PCDHGA5: variants seen among roughly 807,000 people sequenced by gnomAD.
The protein encoded by PCDHGA5 is protocadherin gamma-A5.
In PCDHGA5, 36 loss-of-function variants were observed where a neutral mutation model predicts 56.7. That is an observed-to-expected ratio of 0.64 (90% CI 0.49 to 0.84). PCDHGA5 has a LOEUF of 0.84. Ranked by LOEUF, PCDHGA5 falls within the 40% of genes least tolerant of loss-of-function variation. The pLI, the probability that PCDHGA5 is intolerant of heterozygous loss-of-function variation, is 0.00. For synonymous variants in PCDHGA5, 563 were observed against 520.2 expected (o/e 1.08, Z -1.12); for missense variants, 1,305 against 1,201.5 (o/e 1.09, Z -1.27).
At chr5:141,382,317 GTAAA>G (rs1482634443) in intron 1 of PCDHGA5, among the ~76,000 whole-genome samples, 1 of 152,160 alleles carries the variant, frequency 6.6e-6, no homozygotes, top group Non-Finnish European at 1.5e-5. Flanking sequence ...ATACACTGAT[GTAAA>G]TATTTTCTAA....
rs1449032006 is a variant in PCDHGA5 at position 141,438,617 on chromosome 5, TATATATATATATATATATAC to T, written c.2422-56188_2422-56169del. 2.9e-3 allele frequency among the ~76,000 whole-genome samples: 107 copies of T among 37,156 alleles called. 1 individual carries two copies. Among genetic ancestry groups the T allele is most frequent in the South Asian group, 0.015 (15 of 996 alleles). 24.4% of individuals were successfully genotyped at this position (37,156 alleles called of 152,430 possible). On this transcript the variant is annotated intron_variant, in intron 1 of 3. Transcript: ENST00000518069. Reference sequence around the variant, plus strand: ...ATATATATATATATATATATATATATATATATATATATATATATACACACACACACACACATATATGTATA... The same window carrying T: ...ATATATATATATATATATATATATATACACACACACACACATATATGTATA...
intron 1 of PCDHGA5, chr5:141,389,998 T>G: frequency 6.2e-7 from 1 of 1,614,046 alleles, no homozygotes; most frequent in Non-Finnish European, 8.5e-7. Flanking sequence ...CTCGTGGCCA[T>G]GATTCTGGCC....
Position 141,491,075 on chromosome 5 carries a change from A to G in PCDHGA5, c.2422-3732A>G, listed in dbSNP as rs147291399. ...TGGCTCTCCTACTCACTGTTGCCAC[A>G]GTCCACAGCCCCAGGACTGTTCCTC... is the stretch of plus-strand genomic sequence containing the variant. On this transcript the variant is annotated intron_variant, in intron 1 of 3. Coordinates refer to ENST00000518069, the MANE Select transcript of PCDHGA5 (RefSeq NM_018918.3). This position sits in a 1 kb window ranked among gnomAD's most constrained non-coding sequence, Gnocchi z 6.9. 1.2e-6 allele frequency: 2 copies of G among 1,614,080 alleles called. No individual in the cohort carries two copies. Among genetic ancestry groups the G allele is most frequent in the Non-Finnish European group, 8.5e-7 (1 of 1,180,042 alleles).
chr5:141,509,810 G>T (rs1272295976), intron 3 of PCDHGA5, among the ~76,000 whole-genome samples: 1 of 152,154 alleles, frequency 6.6e-6, no homozygotes, highest in East Asian at 1.9e-4. Flanking sequence ...ATAGAGCCGA[G>T]CTCTTCTCCA....
intron 1 of PCDHGA5, chr5:141,421,414 C>G: frequency 6.2e-7 from 1 of 1,614,066 alleles, no homozygotes; most frequent in Non-Finnish European, 8.5e-7. Flanking sequence ...GCTGGCGAAG[C>G]GCGGAGTCCG....
intron 1 of PCDHGA5, chr5:141,374,015 G>T: frequency 1.5e-6 from 2 of 1,375,596 alleles, no homozygotes; most frequent in Non-Finnish European, 1.9e-6. Context: ...CTATTTCTGA[G>T]AAGAGCAAAA....
At chr5:141,370,921 C>G in intron 1 of PCDHGA5, 1 of 1,613,978 alleles carries the variant, frequency 6.2e-7, no homozygotes, top group Non-Finnish European at 8.5e-7. Flanking sequence ...AGCCCTGATC[C>G]GCACTTCTCT....
chr5:141,460,091 A>G (rs2098981847), intron 1 of PCDHGA5, among the ~76,000 whole-genome samples: 1 of 152,002 alleles, frequency 6.6e-6, no homozygotes, highest in Non-Finnish European at 1.5e-5. Flanking sequence ...AATAATAATT[A>G]TACATGTAAT....
intron 1 of PCDHGA5, chr5:141,389,114 C>A: frequency 1.2e-6 from 2 of 1,614,004 alleles, no homozygotes; most frequent in Non-Finnish European, 1.7e-6. Flanking sequence ...TTCTAGACCG[C>A]GAGCAGAATC....
chr5:141,365,294 C>G lies in PCDHGA5; in HGVS notation c.964C>G (p.Gln322Glu). Residue 322 changes from glutamine (Q) to glutamate (E), a missense_variant, in exon 1 of 4, where the codon CAG becomes GAG. Gln to Glu is a conservative substitution (Grantham distance 29). Coordinates refer to ENST00000518069, the MANE Select transcript of PCDHGA5 (RefSeq NM_018918.3). ...ATTCTACCTCATGGAAGTGGTAGCT[C>G]AGGATGGAGGCGCTCTTGTTGCCAG... ...SRFYLMEVVA[Q>E]DGGALVASAK... 1 of 1,613,974 alleles carries G rather than the reference C, an allele frequency of 6.2e-7. No homozygotes were observed. The highest frequency in any genetic ancestry group is 8.5e-7 in the Non-Finnish European group (1 of 1,179,886).
At chr5:141,500,417 G>A in intron 2 of PCDHGA5, among the ~76,000 whole-genome samples, 1 of 151,736 alleles carries the variant, frequency 6.6e-6, no homozygotes, top group East Asian at 2.0e-4. Flanking sequence ...CACCGTGTTA[G>A]CCAGGATGGT....
rs534823543 is a variant in PCDHGA5, at chr5:141,383,535, C to T, written c.2421+16784C>T. ...AAGAGCGGGTTCACCACCTGGTCCT[C>T]ACAGCCTCTGATGGCGGCGACCCGC... On this transcript the variant is annotated intron_variant, in intron 1 of 3. Transcript: ENST00000518069. The T allele has an allele frequency of 1.9e-5, 31 of 1,612,472 alleles. No individual in the cohort carries two copies. The African/African-American group carries it at 3.7e-4, about 19-fold the overall frequency.
chr5:141,374,334 T>G, intron 1 of PCDHGA5: 2 of 1,614,018 alleles, frequency 1.2e-6, no homozygotes, highest in South Asian at 2.2e-5. Flanking sequence ...AACGGCAGCT[T>G]GGTCACCGCG....
intron 1 of PCDHGA5, among the ~76,000 whole-genome samples, chr5:141,470,896 T>C (rs1370454369): frequency 6.6e-6 from 1 of 151,980 alleles, no homozygotes; most frequent in Non-Finnish European, 1.5e-5. Context: ...TTTTGTTTTT[T>C]GTAGAGATGG....
Position 141,399,638 on chromosome 5 carries a change from G to A in PCDHGA5, c.2421+32887G>A, listed in dbSNP as rs1180030777. The A allele has an allele frequency of 3.7e-6, 6 of 1,613,860 alleles. No individual in the cohort carries two copies. The highest frequency in any genetic ancestry group is 1.3e-5 in the African/African-American group (1 of 75,082). ...GCACTGGCCTCTTACGTGTCCATGAGCGCGCAAAGTGGGGTGGTGTTCGCG... is the reference window on the plus strand; with the variant it reads ...GCACTGGCCTCTTACGTGTCCATGAACGCGCAAAGTGGGGTGGTGTTCGCG... On this transcript the variant is annotated intron_variant, in intron 1 of 3. Coordinates refer to ENST00000518069, the MANE Select transcript of PCDHGA5 (RefSeq NM_018918.3).
At chr5:141,480,982 C>T (rs1258067957) in intron 1 of PCDHGA5, among the ~76,000 whole-genome samples, 1 of 152,150 alleles carries the variant, frequency 6.6e-6, no homozygotes, top group African/African-American at 2.4e-5. Context: ...TCAGTGAACC[C>T]AGGATGTGGA....
At chr5:141,418,077 T>G (rs770464447) in intron 1 of PCDHGA5, 4 of 1,613,914 alleles carry the variant, frequency 2.5e-6, no homozygotes, top group African/African-American at 1.3e-5. Context: ...GCGGAGAAGC[T>G]GCACTTCAGC....
intron 1 of PCDHGA5, chr5:141,398,744 G>A: frequency 1.9e-6 from 3 of 1,613,854 alleles, no homozygotes; most frequent in Non-Finnish European, 2.5e-6. Context: ...GAACAACAGA[G>A]TTACCATCGT....
intron 1 of PCDHGA5, among the ~76,000 whole-genome samples, chr5:141,368,814 T>C (rs1765871843): frequency 6.6e-6 from 1 of 152,218 alleles, no homozygotes; most frequent in South Asian, 2.1e-4. Context: ...GAAGTGTTCA[T>C]ACAATGAACA....
Sources: allele counts gnomAD v4.1 joint callset (sites outside exome capture counted in the v4.1 genomes callset), GRCh38; gene constraint gnomAD v4.1.1; non-coding constraint Gnocchi (gnomAD v3.1); transcripts MANE v1.5; gene names NCBI Gene and HGNC (gene_info 2026-07-23, HGNC 2026-07-21).